Variants in DAB1 observed in about 807,000 individuals in gnomAD.
DAB1 encodes the protein DAB adaptor protein 1.
A neutral mutation model predicts 64.6 loss-of-function variants in DAB1; 15 were observed. The observed-to-expected ratio is 0.23, with a 90% CI of 0.16 to 0.36. The LOEUF is 0.36. DAB1 is among the 10% of genes least tolerant of loss of function. DAB1 has a pLI of 1.00. For missense variants in DAB1, 596 were observed against 706.7 expected, an observed-to-expected ratio of 0.84 and a Z score of 1.78; for synonymous variants, 235 against 251.9, an observed-to-expected ratio of 0.93 and a Z score of 0.64.
At chr1:57,208,415 C>A (rs1665757742) in intron 2 of DAB1, among the ~76,000 whole-genome samples, 1 of 152,118 alleles carries the variant, frequency 6.6e-6, no homozygotes, top group African/African-American at 2.4e-5. Flanking sequence ...AGCATCTGCT[C>A]CCCTTTCAAA....
Position 57,011,304 on chromosome 1 carries a change from T to C in DAB1, c.1445-32A>G, listed in dbSNP as rs1646259506. 3.7e-6 allele frequency: 6 copies of C among 1,605,828 alleles called. No homozygotes were observed. In the East Asian group the frequency reaches 1.3e-4, roughly 36 times the overall value. Reference sequence around the variant, plus strand: ...AGAGACCACAGAAAAAGAGACATCTTAAGTGCCTGGCTGCCATGAATGTAT... The same window carrying C: ...AGAGACCACAGAAAAAGAGACATCTCAAGTGCCTGGCTGCCATGAATGTAT... On this transcript the variant is annotated intron_variant, in intron 12 of 14. Transcript: ENST00000371236.
At chr1:58,243,935 G>GA (rs916432321) in intron 4 of DAB1, among the ~76,000 whole-genome samples, 57 of 149,464 alleles carry the variant, frequency 3.8e-4, no homozygotes, top group South Asian at 6.4e-4. Flanking sequence ...GGTTGACAAT[G>GA]AAAAAAAAAC....
rs932589778 is a variant in DAB1 at position 58,140,577 on chromosome 1, TA to T, written n.387+9933del. Among the ~76,000 whole-genome samples, 250 of 145,808 alleles carry T rather than the reference TA, an allele frequency of 1.7e-3. 4 individuals carry two copies. In the East Asian group the frequency reaches 0.02, roughly 11 times the overall value. ...ATCCTTTAGGAGTTCACAGGAGAAC[TA>T]AAAAAAAAAAATCTCTAATTATATA... On this transcript the variant is annotated intron_variant and non_coding_transcript_variant, in intron 5 of 20. Transcript: ENST00000485760.
chr1:58,118,142 C>T (rs1652460599), intron 5 of DAB1, among the ~76,000 whole-genome samples: 1 of 151,538 alleles, frequency 6.6e-6, no homozygotes, highest in African/African-American at 2.4e-5. Flanking sequence ...AACTCCTGGG[C>T]TCAAGCAATC....
intron 2 of DAB1, among the ~76,000 whole-genome samples, chr1:57,285,705 GAA>G: frequency 1.3e-5 from 2 of 152,322 alleles, no homozygotes; most frequent in Middle Eastern, 6.8e-3. Flanking sequence ...CACATAAAGA[GAA>G]GAGTTAGAAC....
chr1:58,046,827 T>C (rs1247662622), intron 5 of DAB1, among the ~76,000 whole-genome samples: 1 of 152,178 alleles, frequency 6.6e-6, no homozygotes, highest in African/African-American at 2.4e-5. Context: ...GATAGAGGGA[T>C]GGGAGCTCTC....
intron 4 of DAB1, among the ~76,000 whole-genome samples, chr1:58,201,726 C>T (rs1000842495): frequency 1.3e-5 from 2 of 152,220 alleles, no homozygotes; most frequent in African/African-American, 4.8e-5. Flanking sequence ...ATCCGATCTC[C>T]TGCTTTCTCA....
intron 7 of DAB1, among the ~76,000 whole-genome samples, chr1:57,551,122 A>C (rs770943800): frequency 2.2e-4 from 34 of 152,160 alleles, no homozygotes; most frequent in Admixed American, 5.2e-4. Flanking sequence ...TGCACTAACA[A>C]TAGCACGTTC....
chr1:57,998,750 ATAG>A (rs1646466027), intron 5 of DAB1, among the ~76,000 whole-genome samples: 1 of 152,368 alleles, frequency 6.6e-6, no homozygotes, highest in African/African-American at 2.4e-5. Flanking sequence ...TGCCTGGCAC[ATAG>A]TAGATGTATG....
At chr1:57,520,886 GA>G (rs1423467801) in intron 7 of DAB1, among the ~76,000 whole-genome samples, 1 of 151,420 alleles carries the variant, frequency 6.6e-6, no homozygotes, top group Non-Finnish European at 1.5e-5. Context: ...CATCCAACAG[GA>G]AAAAAAAGAG....
intron 2 of DAB1, among the ~76,000 whole-genome samples, chr1:57,255,004 T>C (rs964460867): frequency 3.3e-5 from 5 of 151,990 alleles, no homozygotes; most frequent in Admixed American, 3.3e-4. Context: ...AAGACTACTA[T>C]TTTTTTTCTT....
intron 1 of DAB1, among the ~76,000 whole-genome samples, chr1:57,329,309 T>C (rs1676445714): frequency 6.6e-6 from 1 of 152,212 alleles, no homozygotes; most frequent in Non-Finnish European, 1.5e-5. Flanking sequence ...TGAGAAGCCC[T>C]TGAGAACTCC....
intron 3 of DAB1, among the ~76,000 whole-genome samples, chr1:58,384,928 T>C (rs1284764946): frequency 6.6e-6 from 1 of 152,204 alleles, no homozygotes; most frequent in Non-Finnish European, 1.5e-5. Flanking sequence ...AGATTGAGGA[T>C]GACTCTGCCT....
chr1:58,165,399 C>A (rs1215913587), intron 4 of DAB1, among the ~76,000 whole-genome samples: 2 of 152,146 alleles, frequency 1.3e-5, no homozygotes, highest in African/African-American at 4.8e-5. Flanking sequence ...TTCCTGCAAA[C>A]CTCCCCGATT....
At chr1:58,194,683 G>A (rs1446384983) in intron 4 of DAB1, among the ~76,000 whole-genome samples, 1 of 152,244 alleles carries the variant, frequency 6.6e-6, no homozygotes, top group East Asian at 1.9e-4. Context: ...ACTTTTATAG[G>A]TTCTGTGTAT....
At position 57,586,978 on chromosome 1, in the gene DAB1, A is replaced by G. The variant is rs542893851; in HGVS notation, n.625+62614T>C. Among the ~76,000 whole-genome samples, 3 of 152,290 alleles carry G rather than the reference A, an allele frequency of 2.0e-5. No homozygotes were observed. The South Asian group carries it at 6.2e-4, about 32-fold the overall frequency. On this transcript the variant is annotated intron_variant and non_coding_transcript_variant, in intron 7 of 20. Transcript: ENST00000485760. ...ATACTAAATGTTTATTCAGTGAATA[A>G]ATTCCTCATCAATGCTAACTTTCAT... is the stretch of plus-strand genomic sequence containing the variant.
At chr1:57,088,447 A>G (rs1335398075) in intron 4 of DAB1, among the ~76,000 whole-genome samples, 1 of 152,222 alleles carries the variant, frequency 6.6e-6, no homozygotes, top group East Asian at 1.9e-4. Context: ...TGCCTGCCTA[A>G]GAAAACTCAG....
chr1:58,335,606 CG>C (rs1553175996), intron 4 of DAB1, among the ~76,000 whole-genome samples: 7 of 151,600 alleles, frequency 4.6e-5, no homozygotes, highest in South Asian at 2.1e-4. Context: ...AGGGTGGAAA[CG>C]GGGGATAACC....
chr1:57,180,412 T>C lies in DAB1; in HGVS notation c.68-34983A>G, dbSNP rs561598570. Among the ~76,000 whole-genome samples the C allele has an allele frequency of 1.2e-4, 19 of 152,374 alleles. No homozygotes were observed. The South Asian group carries it at 3.3e-3, about 27-fold the overall frequency. On this transcript the variant is annotated intron_variant, in intron 2 of 14. Transcript: ENST00000371236. The stretch of plus-strand genomic sequence containing the variant: ...CACTCATCACATTGTTAATGTTTAA[T>C]GTTTTCATGTGTCAGCAACCCAGGA...
Sources: allele counts gnomAD v4.1 joint callset (sites outside exome capture counted in the v4.1 genomes callset), GRCh38; gene constraint gnomAD v4.1.1; transcripts MANE v1.5; gene names NCBI Gene and HGNC (gene_info 2026-07-23, HGNC 2026-07-21).